Variants in CDH1 observed in about 807,000 individuals in gnomAD.
CDH1 encodes the protein cadherin 1.
In CDH1, 35 loss-of-function variants were observed where a neutral mutation model predicts 84.5. That is an observed-to-expected ratio of 0.41 (90% CI 0.32 to 0.55). The LOEUF is 0.55. Among genes scored for constraint, CDH1 ranks in the 20% least tolerant of loss-of-function variants. CDH1 has a pLI of 0.19. For missense variants in CDH1, 994 were observed against 1,126.6 expected, an observed-to-expected ratio of 0.88 and a Z score of 1.68; for synonymous variants, 417 against 439.0, an observed-to-expected ratio of 0.95 and a Z score of 0.63.
At chr16:68,788,222 T>C (rs1421270813) in intron 2 of CDH1, among the ~76,000 whole-genome samples, 1 of 152,208 alleles carries the variant, frequency 6.6e-6, no homozygotes, top group Non-Finnish European at 1.5e-5. Flanking sequence ...TTTTGAACCA[T>C]AGGACTTTGA....
chr16:68,790,948 T>A (rs1054829106), intron 2 of CDH1, among the ~76,000 whole-genome samples: 5 of 152,164 alleles, frequency 3.3e-5, no homozygotes, highest in African/African-American at 1.2e-4. Context: ...GATTTAAAAC[T>A]AAGTTCCCTT....
chr16:68,766,814 G>A (rs1451034884), intron 2 of CDH1, among the ~76,000 whole-genome samples: 2 of 150,584 alleles, frequency 1.3e-5, no homozygotes. Flanking sequence ...TACAACTTCT[G>A]CCTCCTGGGT....
Position 68,801,715 on chromosome 16 carries a change from C to A in CDH1, c.209C>A (p.Ser70Tyr), listed in dbSNP as rs1960507183. The change falls in exon 3 of 16, where the codon TCC becomes TAC. Residue 70 changes from serine to tyrosine, a missense_variant. Transcript: ENST00000261769. ...GGTCGACAAAGGACAGCCTATTTTT[C>A]CCTCGACACCCGATTCAAAGTGGGC... Reference protein sequence around the residue: ...CTGRQRTAYFSLDTRFKVGTD... With the variant: ...CTGRQRTAYFYLDTRFKVGTD... 1 of 1,614,034 alleles carries A rather than the reference C, an allele frequency of 6.2e-7. No individual in the cohort carries two copies. Among genetic ancestry groups the A allele is most frequent in the Non-Finnish European group, 8.5e-7 (1 of 1,180,018 alleles).
Position 68,810,190 on chromosome 16 carries a change from C to A in CDH1, c.688-7C>A. On this transcript the variant is annotated splice_polypyrimidine_tract_variant and splice_region_variant and intron_variant, in intron 5 of 15. Coordinates refer to ENST00000261769, the MANE Select transcript of CDH1 (RefSeq NM_004360.5). ...GAGCTCAAGTCACCCTCACTTGGTT[C>A]TTTCAGCTCTTCTCTCACGCTGTGT... 6.2e-7 allele frequency: 1 copy of A among 1,614,130 alleles called. No individual in the cohort carries two copies. The highest frequency in any genetic ancestry group is 1.1e-5 in the South Asian group (1 of 91,084).
chr16:68,808,459 A>G lies in CDH1; in HGVS notation c.423A>G (p.Thr141=), dbSNP rs1597890499. The change falls in exon 4 of 16, where the codon ACA becomes ACG. Residue 141 remains threonine, a synonymous_variant. Transcript: ENST00000261769. ...CTGGAATCCAAGCAGAATTGCTCAC[A>G]TTTCCCAACTCCTCTCCTGGCCTCA... is the stretch of plus-strand genomic sequence containing the variant. ...SVSGIQAELL[T]FPNSSPGLRR... is the part of the protein sequence containing the mutation. 1 of 1,614,034 alleles carries G rather than the reference A, an allele frequency of 6.2e-7. No individual in the cohort carries two copies. The highest frequency in any genetic ancestry group is 1.6e-4 in the Middle Eastern group (1 of 6,062).
intron 13 of CDH1, among the ~76,000 whole-genome samples, chr16:68,823,992 CTTTTTTTTTTTTTT>C (rs889358029): frequency 1.0e-5 from 1 of 99,930 alleles, no homozygotes; most frequent in Non-Finnish European, 1.9e-5. Flanking sequence ...TTCTGCATTT[CTTTTTTTTTTTTTT>C]TTTTTTTTGA....
chr16:68,745,552 A>ATATATATATATGTATATATATATATATG lies in CDH1; in HGVS notation c.163+7164_163+7165insATATGTATATATATATGTATATATATAT, dbSNP rs1567475265. On this transcript the variant is annotated intron_variant, in intron 2 of 15. Coordinates refer to ENST00000261769, the MANE Select transcript of CDH1 (RefSeq NM_004360.5). ...CTGTCTCAAAAAAAAAAAAAAAAAT[A>ATATATATATATGTATATATATATATATG]TATATATATATGTATATATATATGT... 1.7e-3 allele frequency among the ~76,000 whole-genome samples: 53 copies of ATATATATATATGTATATATATATATATG among 32,096 alleles called. 2 individuals carry two copies. Among genetic ancestry groups the ATATATATATATGTATATATATATATATG allele is most frequent in the African/African-American group, 4.4e-3 (53 of 12,062 alleles). 21.1% of individuals were successfully genotyped at this position (32,096 alleles called of 152,430 possible). A position where few individuals can be genotyped will look rare whatever the true frequency, so the allele number is the denominator to read the frequency against.
At chr16:68,830,531 A>G (rs1961457908) in intron 15 of CDH1, among the ~76,000 whole-genome samples, 1 of 152,182 alleles carries the variant, frequency 6.6e-6, no homozygotes, top group African/African-American at 2.4e-5. Flanking sequence ...AAATGCATTC[A>G]GCTCTAAATA....
chr16:68,789,630 C>T (rs887899456), intron 2 of CDH1, among the ~76,000 whole-genome samples: 3 of 152,046 alleles, frequency 2.0e-5, no homozygotes, highest in African/African-American at 7.2e-5. Flanking sequence ...CTTAAGCAAG[C>T]GTCACCACAA....
At chr16:68,816,022 A>G (rs1202630641) in intron 10 of CDH1, among the ~76,000 whole-genome samples, 1 of 151,864 alleles carries the variant, frequency 6.6e-6, no homozygotes, top group Non-Finnish European at 1.5e-5. Context: ...CATACATACT[A>G]TTGTGTTTTT....
intron 2 of CDH1, among the ~76,000 whole-genome samples, chr16:68,746,239 C>T (rs573916009): frequency 2.6e-4 from 40 of 152,058 alleles, no homozygotes; most frequent in African/African-American, 9.2e-4. Flanking sequence ...GCTTGACCAA[C>T]GTGGTGAAAC....
At chr16:68,753,938 A>C (rs1962952253) in intron 2 of CDH1, among the ~76,000 whole-genome samples, 1 of 150,740 alleles carries the variant, frequency 6.6e-6, no homozygotes, top group Non-Finnish European at 1.5e-5. Context: ...AACATGGTGA[A>C]ACCCCATCTC....
chr16:68,823,362 C>G lies in CDH1; in HGVS notation c.1937-37C>G, dbSNP rs377716415. On this transcript the variant is annotated intron_variant, in intron 12 of 15. Transcript: ENST00000261769. ...CTGGAATGAGCTTTTTATTTTCCTC[C>G]CCTGGTCTCATCATTTCTTTTTATT... is the stretch of plus-strand genomic sequence containing the variant. The G allele has an allele frequency of 1.3e-4, 191 of 1,422,308 alleles. No homozygotes were observed. Among genetic ancestry groups the G allele is most frequent in the Non-Finnish European group, 1.9e-4 (189 of 1,007,260 alleles). 88.1% of individuals were successfully genotyped at this position (1,422,308 alleles called of 1,614,324 possible).
chr16:68,787,340 T>C (rs927054652), intron 2 of CDH1, among the ~76,000 whole-genome samples: 2 of 152,168 alleles, frequency 1.3e-5, no homozygotes, highest in African/African-American at 4.8e-5. Context: ...AGCAAATGAC[T>C]TAAGCCTTTC....
At chr16:68,749,935 T>G (rs1962845435) in intron 2 of CDH1, among the ~76,000 whole-genome samples, 1 of 151,972 alleles carries the variant, frequency 6.6e-6, no homozygotes, top group South Asian at 2.1e-4. Flanking sequence ...GAAGCTGTCA[T>G]TGTACCTTTT....
In CDH1 at chr16:68,811,266, G is replaced by A. The variant is rs970741091; in HGVS notation, c.833-418G>A. Among the ~76,000 whole-genome samples the A allele has an allele frequency of 4.0e-5, 6 of 151,722 alleles. No homozygotes were observed. The East Asian group carries it at 9.7e-4, about 25-fold the overall frequency. On this transcript the variant is annotated intron_variant, in intron 6 of 15. Transcript: ENST00000261769. ...TAGAAAATTAGCTGGGCGTGGCGAC[G>A]CATGCCTATAATTCCAGATACTTGG...
chr16:68,803,971 T>A (rs1421173801), intron 3 of CDH1, among the ~76,000 whole-genome samples: 4 of 152,038 alleles, frequency 2.6e-5, no homozygotes, highest in Admixed American at 2.6e-4. Context: ...CAAGGAGACC[T>A]CGTGATCCCA....
At chr16:68,777,674 G>A (rs1959771594) in intron 2 of CDH1, among the ~76,000 whole-genome samples, 2 of 151,260 alleles carry the variant, frequency 1.3e-5, no homozygotes, top group Admixed American at 1.3e-4. Context: ...CTCCTGAGTG[G>A]CTTGACTATA....
rs1416126549 is a variant in CDH1, at chr16:68,829,948, TTTTTCTTTTTC to T, written c.2439+156_2439+166del. 6 of 682,942 alleles carry T rather than the reference TTTTTCTTTTTC, an allele frequency of 8.8e-6. No individual in the cohort carries two copies. The African/African-American group carries it at 2.0e-4, about 23-fold the overall frequency. 42.3% of individuals were successfully genotyped at this position (682,942 alleles called of 1,614,324 possible). A position where few individuals can be genotyped will look rare whatever the true frequency, so the allele number is the denominator to read the frequency against. ...GGAGCCCTGTTTTCCTTTTTCTTTT[TTTTTCTTTTTC>T]TTTTTTTTTTTTTTTGAGACGAAGT... On this transcript the variant is annotated intron_variant, in intron 15 of 15. Transcript: ENST00000261769.
Sources: allele counts gnomAD v4.1 joint callset (sites outside exome capture counted in the v4.1 genomes callset), GRCh38; gene constraint gnomAD v4.1.1; transcripts MANE v1.5; gene names NCBI Gene and HGNC (gene_info 2026-07-23, HGNC 2026-07-21).